The following IPO7 variants were observed in gnomAD, a reference collection of about 807,000 sequenced individuals.
The protein encoded by IPO7 is importin 7.
A neutral mutation model predicts 136.4 loss-of-function variants in IPO7; 13 were observed. The observed-to-expected ratio is 0.10, with a 90% CI of 0.06 to 0.15. IPO7 has a LOEUF of 0.15. Among genes scored for constraint, IPO7 ranks in the 10% least tolerant of loss-of-function variants. IPO7 has a pLI of 1.00. For synonymous variants in IPO7, 403 were observed against 404.4 expected, an observed-to-expected ratio of 1.00 and a Z score of 0.04; for missense variants, 857 against 1,240.6, an observed-to-expected ratio of 0.69 and a Z score of 4.65.
chr11:9,401,680 T>A lies in IPO7; in HGVS notation c.85-1610T>A, dbSNP rs554589341. Reference sequence around the variant, plus strand: ...TAAAATGTGGAAAATTTAAAAATTTTAAAATGTGGGAAATTCTATTGCATA... The same window carrying A: ...TAAAATGTGGAAAATTTAAAAATTTAAAAATGTGGGAAATTCTATTGCATA... On this transcript the variant is annotated intron_variant, in intron 1 of 24. Coordinates refer to ENST00000379719, the MANE Select transcript of IPO7 (RefSeq NM_006391.3). Among the ~76,000 whole-genome samples, 3 of 152,322 alleles carry A rather than the reference T, an allele frequency of 2.0e-5. No individual in the cohort carries two copies. The East Asian group carries it at 5.8e-4, about 29-fold the overall frequency.
chr11:9,425,435 C>G (rs1054967209), intron 12 of IPO7, 173 bp downstream of exon 12: 7 of 585,478 alleles, frequency 1.2e-5, no homozygotes, highest in Admixed American at 8.9e-5. Flanking sequence ...AGTGATACCC[C>G]CATCTCTATA....
chr11:9,436,007 A>G (rs1306511298), intron 19 of IPO7, among the ~76,000 whole-genome samples: 2 of 152,192 alleles, frequency 1.3e-5, no homozygotes, highest in Non-Finnish European at 2.9e-5. Context: ...GAATGGCACT[A>G]CAGGATAGGT....
rs1854918602 is a variant in IPO7, at chr11:9,408,439, G to A, written c.167-47G>A. 4 of 1,289,508 alleles carry A rather than the reference G, an allele frequency of 3.1e-6. No homozygotes were observed. In the South Asian group the frequency reaches 7.3e-5, roughly 24 times the overall value. 79.9% of individuals were successfully genotyped at this position (1,289,508 alleles called of 1,614,324 possible). ...TATGGACACTTGTGGGATTTTCACAGTACTTTCACAGTAAACATTCTTTTG... is the reference window on the plus strand; with the variant it reads ...TATGGACACTTGTGGGATTTTCACAATACTTTCACAGTAAACATTCTTTTG... On this transcript the variant is annotated intron_variant, in intron 2 of 24. Transcript: ENST00000379719.
chr11:9,419,557 A>ATATAT (rs1318848863), intron 6 of IPO7, among the ~76,000 whole-genome samples: 4 of 125,834 alleles, frequency 3.2e-5, no homozygotes, highest in African/African-American at 1.4e-4. Context: ...AAAAAAAAAA[A>ATATAT]AAATATATAT....
chr11:9,396,518 C>G (rs1353514046), intron 1 of IPO7, among the ~76,000 whole-genome samples: 2 of 152,212 alleles, frequency 1.3e-5, no homozygotes. Flanking sequence ...ATCACCCAAT[C>G]TTTAAAACAT....
chr11:9,403,067 C>T, intron 1 of IPO7: 1 of 501,900 alleles, frequency 2.0e-6, no homozygotes. Flanking sequence ...ATGGGAAGTG[C>T]AGTGCTATAC....
chr11:9,404,413 C>A (rs1010055364), intron 2 of IPO7, among the ~76,000 whole-genome samples: 7 of 151,194 alleles, frequency 4.6e-5, no homozygotes, highest in Admixed American at 2.0e-4. Context: ...TGCAGTGAGC[C>A]GAGTTGGCGT....
intron 4 of IPO7, among the ~76,000 whole-genome samples, chr11:9,412,018 A>G (rs1854974219): frequency 6.6e-6 from 1 of 152,170 alleles, no homozygotes; most frequent in Non-Finnish European, 1.5e-5. Flanking sequence ...TTTTGTGTAT[A>G]ATTGTAGTTT....
At chr11:9,417,679 A>G (rs958650760) in intron 6 of IPO7, among the ~76,000 whole-genome samples, 6 of 150,488 alleles carry the variant, frequency 4.0e-5, no homozygotes, top group Non-Finnish European at 7.4e-5. Flanking sequence ...TTTTAAAATT[A>G]TTATAATTTT....
chr11:9,424,571 C>A (rs577582628), intron 10 of IPO7, among the ~76,000 whole-genome samples: 1 of 152,048 alleles, frequency 6.6e-6, no homozygotes, highest in Non-Finnish European at 1.5e-5. Flanking sequence ...TAGTGAAACC[C>A]CATCTCTACT....
At chr11:9,394,719 A>G (rs1033389301) in intron 1 of IPO7, among the ~76,000 whole-genome samples, 2 of 152,176 alleles carry the variant, frequency 1.3e-5, no homozygotes, top group Non-Finnish European at 2.9e-5. Context: ...TATTAGCCCA[A>G]TTGGAATTAA....
rs1245393931 is a variant in IPO7 at position 9,447,734 on chromosome 11, T to C, written c.*2540T>C. 1 of 152,210 alleles carries C rather than the reference T, an allele frequency of 6.6e-6. No homozygotes were observed. Among genetic ancestry groups the C allele is most frequent in the Non-Finnish European group, 1.5e-5 (1 of 68,044 alleles). 9.4% of individuals were successfully genotyped at this position (152,210 alleles called of 1,614,324 possible). A position where few individuals can be genotyped will look rare whatever the true frequency, so the allele number is the denominator to read the frequency against. ...TGGCACATATTAGCATAAATCACTT[T>C]TGTAAATGTAAGCTTTCTTTTTTTT... is the stretch of plus-strand genomic sequence containing the variant. On this transcript the variant is annotated 3_prime_UTR_variant, in exon 25 of 25. Transcript: ENST00000379719.
Position 9,420,607 on chromosome 11 carries a change from C to G in IPO7, c.822-7C>G, listed in dbSNP as rs1393341435. On this transcript the variant is annotated splice_polypyrimidine_tract_variant and splice_region_variant and intron_variant, in intron 7 of 24. Transcript: ENST00000379719. Reference sequence around the variant, plus strand: ...AAGAAACAATGGGCATTTTGATGTTCTTTTAGATATGGAAGCCCTGGCAAT... The same window carrying G: ...AAGAAACAATGGGCATTTTGATGTTGTTTTAGATATGGAAGCCCTGGCAAT... 5.6e-6 allele frequency: 9 copies of G among 1,607,106 alleles called. No homozygotes were observed. Among genetic ancestry groups the G allele is most frequent in the Non-Finnish European group, 7.7e-6 (9 of 1,174,122 alleles).
intron 5 of IPO7, 146 bp from the exon 6 acceptor site, chr11:9,416,913 A>G (rs1855049232): frequency 2.2e-6 from 1 of 452,616 alleles, no homozygotes; most frequent in Non-Finnish European, 4.0e-6. Context: ...ACCATTATAG[A>G]TAACAAGCAA....
intron 16 of IPO7, 46 bp downstream of exon 16, chr11:9,431,049 T>G: frequency 1.3e-6 from 2 of 1,534,600 alleles, no homozygotes; most frequent in South Asian, 1.1e-5. Flanking sequence ...CATTTTATGC[T>G]TTTTAGAGGG....
chr11:9,429,210 G>C lies in IPO7; in HGVS notation c.1591+14G>C. The C allele has an allele frequency of 1.2e-6, 2 of 1,608,586 alleles. No individual in the cohort carries two copies. Among genetic ancestry groups the C allele is most frequent in the Non-Finnish European group, 1.7e-6 (2 of 1,176,932 alleles). On this transcript the variant is annotated intron_variant, in intron 14 of 24. Transcript: ENST00000379719. ...ATCAAGAAAAAGGTAAAGGATTTTT[G>C]TATGTCAAGAAAAGTGAATGTTGGC... is the stretch of plus-strand genomic sequence containing the variant.
At chr11:9,405,495 T>C (rs1477942197) in intron 2 of IPO7, among the ~76,000 whole-genome samples, 1 of 151,556 alleles carries the variant, frequency 6.6e-6, no homozygotes, top group Non-Finnish European at 1.5e-5. Context: ...TCATCTTGAC[T>C]CACTGTAAAC....
chr11:9,406,001 A>G (rs562495803), intron 2 of IPO7, among the ~76,000 whole-genome samples: 10 of 147,364 alleles, frequency 6.8e-5, no homozygotes, highest in African/African-American at 2.5e-4. Context: ...TAATCTTTCT[A>G]CTTTAGCCTG....
intron 12 of IPO7, among the ~76,000 whole-genome samples, chr11:9,427,852 A>G (rs937334941): frequency 9.2e-5 from 14 of 152,204 alleles, no homozygotes; most frequent in Non-Finnish European, 7.4e-5. Context: ...TTTCTGTTCC[A>G]TGACCCAGTC....
Sources: gnomAD v4.1 joint callset for allele counts (sites outside exome capture counted in the v4.1 genomes callset) on GRCh38, gnomAD v4.1.1 for gene constraint, MANE v1.5 for transcripts, NCBI Gene and HGNC (gene_info 2026-07-23, HGNC 2026-07-21) for gene names.